Variants in SPECC1 observed in about 807,000 individuals in gnomAD.
The protein encoded by SPECC1 is sperm antigen with calponin homology and coiled-coil domains 1.
A neutral mutation model predicts 104.1 loss-of-function variants in SPECC1; 62 were observed. That is an observed-to-expected ratio of 0.60 (90% CI 0.49 to 0.74). The LOEUF (loss-of-function observed/expected upper bound fraction) is 0.74. Among genes scored for constraint, SPECC1 ranks in the 30% least tolerant of loss-of-function variants. The pLI is 0.00. For missense variants in SPECC1, 1,306 were observed against 1,310.5 expected (o/e 1.00, Z 0.05); for synonymous variants, 513 against 501.6 (o/e 1.02, Z -0.30).
At chr17:20,105,651 A>G (rs977692275) in intron 2 of SPECC1, among the ~76,000 whole-genome samples, 22 of 152,144 alleles carry the variant, frequency 1.4e-4, no homozygotes, top group Non-Finnish European at 2.9e-4. Flanking sequence ...CCCCCCGGTC[A>G]CTGCTACTGC....
chr17:20,211,285 ACT>A (rs1238477537), intron 4 of SPECC1, among the ~76,000 whole-genome samples: 1 of 152,024 alleles, frequency 6.6e-6, no homozygotes, highest in East Asian at 1.9e-4. Flanking sequence ...CCAAATATCA[ACT>A]CTGGTGAGCA....
intron 12 of SPECC1, among the ~76,000 whole-genome samples, chr17:20,276,121 C>CT (rs970612052): frequency 5.3e-5 from 8 of 151,900 alleles, no homozygotes; most frequent in African/African-American, 1.7e-4. Flanking sequence ...CCTTTCTTCT[C>CT]TTTTTTTCCC....
rs961824207 is a variant in SPECC1, at chr17:20,237,189, T to G, written c.2351+4784T>G. 3 of 1,295,112 alleles carry G rather than the reference T, an allele frequency of 2.3e-6. No homozygotes were observed. The African/African-American group carries it at 4.5e-5, about 19-fold the overall frequency. The allele number at this position is 1,295,112 out of a possible 1,614,324, so 80.2% of individuals were successfully genotyped here. A position where few individuals can be genotyped will look rare whatever the true frequency, so the allele number is the denominator to read the frequency against. Reference sequence around the variant, plus strand: ...TTCTGAAAAAAACAAAGTACAAGTCTTATGAAAAGTTATTTGCAGCTGGAG... The same window carrying G: ...TTCTGAAAAAAACAAAGTACAAGTCGTATGAAAAGTTATTTGCAGCTGGAG... On this transcript the variant is annotated intron_variant, in intron 7 of 14. Transcript: ENST00000395527.
chr17:20,073,814 G>A (rs1388860985), intron 1 of SPECC1: 2 of 152,224 alleles, frequency 1.3e-5, no homozygotes, highest in African/African-American at 4.8e-5. Flanking sequence ...GGATCTTGGT[G>A]TGACTAAGGC....
intron 3 of SPECC1, among the ~76,000 whole-genome samples, chr17:20,176,744 T>C (rs2034499439): frequency 6.6e-6 from 1 of 152,124 alleles, no homozygotes; most frequent in African/African-American, 2.4e-5. Flanking sequence ...CATCTCCTTT[T>C]TCCGTCCCTG....
chr17:20,262,755 A>C (rs2040073805), intron 12 of SPECC1, among the ~76,000 whole-genome samples: 1 of 152,202 alleles, frequency 6.6e-6, no homozygotes, highest in African/African-American at 2.4e-5. Context: ...TCCATCCCAG[A>C]TAGTAAATTA....
chr17:20,284,862 G>A (rs1290752059), intron 12 of SPECC1, among the ~76,000 whole-genome samples: 2 of 152,204 alleles, frequency 1.3e-5, no homozygotes, highest in African/African-American at 4.8e-5. Flanking sequence ...AAGAATGAAT[G>A]TACAGCATTT....
intron 7 of SPECC1, among the ~76,000 whole-genome samples, chr17:20,243,851 A>C (rs772050339): frequency 6.9e-4 from 105 of 152,212 alleles, no homozygotes; most frequent in Non-Finnish European, 2.5e-4. Context: ...ATTATCAAAG[A>C]ATGAAATGTA....
At chr17:20,030,143 G>T (rs2044752174) in intron 1 of SPECC1, among the ~76,000 whole-genome samples, 1 of 152,054 alleles carries the variant, frequency 6.6e-6, no homozygotes, top group South Asian at 2.1e-4. Context: ...GTGGTAGTTT[G>T]TTACTGTACC....
In SPECC1 at chr17:20,170,241, C is replaced by T. The variant is rs185651267; in HGVS notation, c.284-34092C>T. Among the ~76,000 whole-genome samples the T allele has an allele frequency of 1.2e-3, 183 of 152,320 alleles. 1 individual carries two copies. Among genetic ancestry groups the T allele is most frequent in the African/African-American group, 3.8e-3 (160 of 41,570 alleles). On this transcript the variant is annotated intron_variant, in intron 3 of 14. Transcript: ENST00000395527. Reference sequence around the variant, plus strand: ...GAACTGTCTGAGGATCCATGTTTATCTTTGCCATCTCCATGGTCTCCAACA... The same window carrying T: ...GAACTGTCTGAGGATCCATGTTTATTTTTGCCATCTCCATGGTCTCCAACA...
intron 1 of SPECC1, among the ~76,000 whole-genome samples, chr17:20,031,268 A>G (rs1213893364): frequency 6.6e-6 from 1 of 152,180 alleles, no homozygotes; most frequent in African/African-American, 2.4e-5. Context: ...TGCTGGCATT[A>G]TAGGTGTGAG....
intron 1 of SPECC1, among the ~76,000 whole-genome samples, chr17:20,058,864 G>C (rs949587621): frequency 4.7e-5 from 6 of 126,726 alleles, no homozygotes; most frequent in Non-Finnish European, 6.4e-5. Flanking sequence ...TTTTGAGACA[G>C]AGTATCGCTC....
In SPECC1 at chr17:20,096,686, T is replaced by G. The variant is rs146091398; in HGVS notation, c.35T>G (p.Ile12Ser). The G allele has an allele frequency of 5.0e-3, 8,028 of 1,614,050 alleles. 28 individuals carry two copies. Among genetic ancestry groups the G allele is most frequent in the Non-Finnish European group, 6.0e-3 (7,065 of 1,179,922 alleles). Reference protein sequence around the residue: ...RSAAKPWNPAIRAGGHGPDRV... With the variant: ...RSAAKPWNPASRAGGHGPDRV... ...GCAGCCAAGCCCTGGAACCCAGCCA[T>G]CAGAGCAGGGGGCCACGGCCCAGAC... The change falls in exon 2 of 15, where the codon ATC (isoleucine) becomes AGC (serine). Residue 12 changes from isoleucine (I) to serine (S), a missense_variant. Physicochemically the swap from Ile to Ser is moderately radical, Grantham distance 142. Around this residue, in one of 2 missense-constraint regions of SPECC1, gnomAD observed 1,177 missense variants for 1,139.9 expected, o/e 1.03. Transcript: ENST00000395527.
At chr17:20,119,994 G>A (rs928124866) in intron 3 of SPECC1, among the ~76,000 whole-genome samples, 1 of 152,164 alleles carries the variant, frequency 6.6e-6, no homozygotes, top group Non-Finnish European at 1.5e-5. Flanking sequence ...TAAGTATAAT[G>A]CAAATATTCC....
chr17:20,295,665 A>G (rs2041325348), intron 12 of SPECC1, among the ~76,000 whole-genome samples: 1 of 152,184 alleles, frequency 6.6e-6, no homozygotes, highest in Non-Finnish European at 1.5e-5. Context: ...ATTTCTCAAC[A>G]TCTTCTCCAG....
At chr17:20,238,012 G>C (rs897769794) in intron 7 of SPECC1, 1 of 1,018,044 alleles carries the variant, frequency 9.8e-7, no homozygotes, top group Non-Finnish European at 1.2e-6. Flanking sequence ...AAAGTGCTGG[G>C]ATTACAGGCT....
chr17:20,041,574 T>G (rs1363245505), intron 1 of SPECC1, among the ~76,000 whole-genome samples: 4 of 150,560 alleles, frequency 2.7e-5, no homozygotes, highest in Non-Finnish European at 5.9e-5. Context: ...TTTGCCAAGA[T>G]TTTTTTTTCA....
chr17:20,102,396 G>A (rs2152512626), intron 2 of SPECC1, among the ~76,000 whole-genome samples: 1 of 152,290 alleles, frequency 6.6e-6, no homozygotes, highest in Middle Eastern at 3.4e-3. Flanking sequence ...TGAAAGCTTT[G>A]CTGCTACCCA....
chr17:20,238,900 T>C, intron 7 of SPECC1: 1 of 1,042,844 alleles, frequency 9.6e-7, no homozygotes, highest in Non-Finnish European at 1.2e-6. Flanking sequence ...AAGCGTCTGC[T>C]GCTTAGTTTT....
Sources: gnomAD v4.1 joint callset for allele counts (sites outside exome capture counted in the v4.1 genomes callset) on GRCh38, gnomAD v4.1.1 for gene constraint, gnomAD v4.1.1 regional missense constraint, MANE v1.5 for transcripts, NCBI Gene and HGNC (gene_info 2026-07-23, HGNC 2026-07-21) for gene names.